Variants in REV3L observed in about 807,000 individuals in gnomAD.
REV3L encodes REV3 like, DNA directed polymerase zeta catalytic subunit.
REV3L carries 69 observed loss-of-function variants against 299.4 expected under a neutral mutation model. That is an observed-to-expected ratio of 0.23 (90% CI 0.19 to 0.28). The LOEUF (loss-of-function observed/expected upper bound fraction) is 0.28. Ranked by LOEUF, REV3L falls within the 10% of genes least tolerant of loss-of-function variation. The pLI is 1.00. For missense variants in REV3L, 3,128 were observed against 3,693.8 expected (o/e 0.85, Z 3.97); for synonymous variants, 1,238 against 1,271.4 (o/e 0.97, Z 0.56).
chr6:111,472,570 G>A (rs1179807370), intron 1 of REV3L, among the ~76,000 whole-genome samples: 3 of 149,330 alleles, frequency 2.0e-5, no homozygotes, highest in Admixed American at 2.0e-4. Flanking sequence ...AAATAGAATT[G>A]GCCAAAAAAG....
intron 25 of REV3L, among the ~76,000 whole-genome samples, chr6:111,325,689 A>C (rs1054118485): frequency 1.3e-5 from 2 of 152,240 alleles, no homozygotes; most frequent in African/African-American, 4.8e-5. Context: ...TATGCGGTAC[A>C]TATGATGTAC....
intron 25 of REV3L, among the ~76,000 whole-genome samples, chr6:111,325,010 C>T (rs926431054): frequency 2.0e-5 from 3 of 152,092 alleles, no homozygotes; most frequent in Admixed American, 6.5e-5. Context: ...TACAGGCACC[C>T]GCCACTACGC....
chr6:111,363,386 C>A (rs1778892516), intron 16 of REV3L, among the ~76,000 whole-genome samples: 1 of 151,938 alleles, frequency 6.6e-6, no homozygotes, highest in African/African-American at 2.4e-5. Flanking sequence ...GCTCACTGCA[C>A]CCTCGAACTC....
At chr6:111,453,922 G>T (rs1475917744) in intron 1 of REV3L, among the ~76,000 whole-genome samples, 2 of 152,260 alleles carry the variant, frequency 1.3e-5, no homozygotes, top group East Asian at 3.9e-4. Flanking sequence ...GGAAGCAGAG[G>T]TTGCAGTGTG....
chr6:111,351,638 C>A, intron 19 of REV3L, 38 bp downstream of exon 19: 1 of 1,483,960 alleles, frequency 6.7e-7, no homozygotes, highest in Non-Finnish European at 9.4e-7. Flanking sequence ...ATAATTTGCT[C>A]TGTAGTTGAA....
chr6:111,393,966 A>G (rs554009969), intron 4 of REV3L, among the ~76,000 whole-genome samples: 5 of 152,316 alleles, frequency 3.3e-5, no homozygotes, highest in African/African-American at 9.6e-5. Context: ...TCATTTTCAT[A>G]AAAAATATGG....
intron 1 of REV3L, among the ~76,000 whole-genome samples, chr6:111,451,080 T>C (rs1302051948): frequency 6.6e-5 from 10 of 152,184 alleles, no homozygotes; most frequent in Non-Finnish European, 4.4e-5. Flanking sequence ...GTGGATGCCA[T>C]GGGTCTGAGC....
chr6:111,483,042 G>C lies in REV3L; in HGVS notation c.-154C>G. 1.0e-6 allele frequency: 1 copy of C among 955,034 alleles called. No homozygotes were observed. The highest frequency in any genetic ancestry group is 1.4e-6 in the Non-Finnish European group (1 of 704,000). The allele number at this position is 955,034 out of a possible 1,614,324, so 59.2% of individuals were successfully genotyped here. ...GAGGCACCTCGAGGAGCGGCGGGCG[G>C]GGCGGTGTAGGCGCTGCTGCCGCCG... On this transcript the variant is annotated 5_prime_UTR_variant, in exon 1 of 32. Coordinates refer to ENST00000368802, the MANE Select transcript of REV3L (RefSeq NM_001372078.1).
chr6:111,421,697 T>C (rs779248257), intron 1 of REV3L, among the ~76,000 whole-genome samples: 1 of 151,974 alleles, frequency 6.6e-6, no homozygotes, highest in Non-Finnish European at 1.5e-5. Context: ...GAAATACTCA[T>C]TGTGTAATTT....
At chr6:111,350,120 T>C (rs1777443083) in intron 19 of REV3L, among the ~76,000 whole-genome samples, 1 of 152,226 alleles carries the variant, frequency 6.6e-6, no homozygotes, top group Non-Finnish European at 1.5e-5. Context: ...AATACAAACA[T>C]TACTTCCTTT....
chr6:111,407,909 C>T (rs1432842181), intron 3 of REV3L, among the ~76,000 whole-genome samples: 1 of 152,124 alleles, frequency 6.6e-6, no homozygotes, highest in Admixed American at 6.5e-5. Flanking sequence ...GACCTCCAGC[C>T]TGAGCAACAG....
At chr6:111,460,816 G>A (rs978043894) in intron 1 of REV3L, among the ~76,000 whole-genome samples, 4 of 152,028 alleles carry the variant, frequency 2.6e-5, no homozygotes, top group South Asian at 2.1e-4. Flanking sequence ...ATATTTAATC[G>A]ACAAGGGACC....
At chr6:111,442,289 T>A (rs536774337) in intron 1 of REV3L, among the ~76,000 whole-genome samples, 42 of 152,362 alleles carry the variant, frequency 2.8e-4, no homozygotes, top group Non-Finnish European at 3.2e-4. Context: ...TTTATCTTTT[T>A]CTCTCTTTAG....
At chr6:111,395,074 T>C (rs543370946) in intron 4 of REV3L, among the ~76,000 whole-genome samples, 2 of 152,286 alleles carry the variant, frequency 1.3e-5, no homozygotes, top group South Asian at 4.1e-4. Context: ...TGTGTGTCCA[T>C]TTTTATACCA....
At chr6:111,453,675 ATG>A (rs1020743125) in intron 1 of REV3L, among the ~76,000 whole-genome samples, 1 of 152,172 alleles carries the variant, frequency 6.6e-6, no homozygotes, top group Non-Finnish European at 1.5e-5. Context: ...TCCTTTAAAT[ATG>A]TGATATTTTA....
intron 1 of REV3L, chr6:111,431,418 A>T: frequency 1.0e-6 from 1 of 1,002,594 alleles, no homozygotes; most frequent in Non-Finnish European, 1.6e-6. Context: ...CGTTCCGGTT[A>T]AAGTTTTTGA....
At chr6:111,327,548 T>C (rs994534792) in intron 25 of REV3L, among the ~76,000 whole-genome samples, 5 of 147,156 alleles carry the variant, frequency 3.4e-5, no homozygotes, top group African/African-American at 1.3e-4. Context: ...AGCAAGACGC[T>C]GTTTCAAAAA....
Position 111,407,440 on chromosome 6 carries a change from T to C in REV3L, c.405-1810A>G, listed in dbSNP as rs182758901. 1.8e-4 allele frequency among the ~76,000 whole-genome samples: 28 copies of C among 152,274 alleles called. No individual in the cohort carries two copies. In the East Asian group the frequency reaches 4.8e-3, roughly 26 times the overall value. On this transcript the variant is annotated intron_variant, in intron 3 of 31. Transcript: ENST00000368802. The stretch of plus-strand genomic sequence containing the variant: ...AACCAACAAAATGGCAGAAATATGA[T>C]TGATCACACTGGAATGAGAAAAACT...
chr6:111,442,957 G>T (rs921196785), intron 1 of REV3L, among the ~76,000 whole-genome samples: 3 of 151,380 alleles, frequency 2.0e-5, no homozygotes, highest in South Asian at 2.1e-4. Flanking sequence ...TCTGGGACAG[G>T]ATTTCACTTT....
Sources: gnomAD v4.1 joint callset for allele counts (sites outside exome capture counted in the v4.1 genomes callset) on GRCh38, gnomAD v4.1.1 for gene constraint, MANE v1.5 for transcripts, NCBI Gene and HGNC (gene_info 2026-07-23, HGNC 2026-07-21) for gene names.